The following NIFK variants were observed in gnomAD, a reference collection of about 807,000 sequenced individuals.
NIFK encodes nucleolar protein interacting with the FHA domain of MKI67, also known as MKI67 FHA domain-interacting nucleolar phosphoprotein.
In NIFK, 16 loss-of-function variants were observed where a neutral mutation model predicts 31.7. The observed-to-expected ratio is 0.50, with a 90% confidence interval of 0.34 to 0.77. The LOEUF (loss-of-function observed/expected upper bound fraction) is 0.77. Ranked by LOEUF, NIFK falls within the 30% of genes least tolerant of loss-of-function variation. NIFK has a pLI of 0.01. For synonymous variants in NIFK, 126 were observed against 123.0 expected, an observed-to-expected ratio of 1.02 and a Z score of -0.16; for missense variants, 341 against 350.4, an observed-to-expected ratio of 0.97 and a Z score of 0.21.
At chr2:121,730,742 G>A in intron 4 of NIFK, 151 bp downstream of exon 4, 1 of 626,044 alleles carries the variant, frequency 1.6e-6, no homozygotes. Flanking sequence ...TACTTGGGAG[G>A]CTAGAGGCAG....
chr2:121,728,256 TC>T, intron 6 of NIFK, 31 bp downstream of exon 6: 1 of 1,284,630 alleles, frequency 7.8e-7, no homozygotes, highest in South Asian at 1.3e-5. Flanking sequence ...TTCTATAATA[TC>T]TGGTGTCTGG....
intron 4 of NIFK, among the ~76,000 whole-genome samples, chr2:121,730,207 G>C (rs1163004585): frequency 6.6e-6 from 1 of 151,830 alleles, no homozygotes; most frequent in Non-Finnish European, 1.5e-5. Flanking sequence ...AACACAGCAA[G>C]ACTCTGTCTC....
At position 121,730,967 on chromosome 2, in the gene NIFK, G is replaced by C. The variant is rs145402818; in HGVS notation, c.490C>G (p.Arg164Gly). ...TLTQKLRMEE[R>G]FKKKERLLRK... ...AGTAATCTTTCTTTCTTTTTAAATC[G>C]CTCCTCCATCCGTAGCTTTTGTGTT... The change falls in exon 4 of 7, where the codon CGA (arginine) becomes GGA (glycine). Residue 164 changes from arginine to glycine, a missense_variant. By Grantham distance (125) the Arg-to-Gly change is moderately radical (BLOSUM62 -2). Transcript: ENST00000285814. The C allele has an allele frequency of 3.9e-5, 63 of 1,611,976 alleles. No homozygotes were observed. Among genetic ancestry groups the C allele is most frequent in the Non-Finnish European group, 5.1e-5 (60 of 1,179,162 alleles).
Position 121,727,415 on chromosome 2 carries a change from C to G in NIFK, c.*309G>C, listed in dbSNP as rs913790340. ...AAAGGCTGCAGTTTAGTACTTAAAC[C>G]TGCAGTTAGTGGTCAACTTTCTATC... is the stretch of plus-strand genomic sequence containing the variant. On this transcript the variant is annotated 3_prime_UTR_variant, in exon 7 of 7. Transcript: ENST00000285814. The G allele has an allele frequency of 3.7e-6, 2 of 535,116 alleles. No individual in the cohort carries two copies. Among genetic ancestry groups the G allele is most frequent in the African/African-American group, 1.9e-5 (1 of 52,676 alleles). 33.1% of individuals were successfully genotyped at this position (535,116 alleles called of 1,614,324 possible). A position where few individuals can be genotyped will look rare whatever the true frequency, so the allele number is the denominator to read the frequency against.
At chr2:121,732,762 T>C (rs2074551923) in intron 2 of NIFK, among the ~76,000 whole-genome samples, 1 of 151,970 alleles carries the variant, frequency 6.6e-6, no homozygotes, top group South Asian at 2.1e-4. Context: ...GGGTGGATCA[T>C]CTGAGGTGAG....
At chr2:121,727,973 A>T (rs1432498588) in intron 6 of NIFK, 61 bp from the exon 7 acceptor site, 13 of 1,405,930 alleles carry the variant, frequency 9.2e-6, no homozygotes, top group Non-Finnish European at 1.2e-5. Context: ...GACTTTACCC[A>T]AAAATATCAT....
chr2:121,733,364 A>T (rs548918835), intron 2 of NIFK, among the ~76,000 whole-genome samples: 1 of 152,030 alleles, frequency 6.6e-6, no homozygotes, highest in African/African-American at 2.4e-5. Flanking sequence ...AAAATACAAA[A>T]ATTAGCTGGG....
In NIFK at chr2:121,727,477, A is replaced by G. The variant is rs552678062; in HGVS notation, c.*247T>C. The G allele has an allele frequency of 4.7e-5, 31 of 652,736 alleles. No homozygotes were observed. The highest frequency in any genetic ancestry group is 4.7e-4 in the South Asian group (31 of 66,198). 40.4% of individuals were successfully genotyped at this position (652,736 alleles called of 1,614,324 possible). A position where few individuals can be genotyped will look rare whatever the true frequency, so the allele number is the denominator to read the frequency against. On this transcript the variant is annotated 3_prime_UTR_variant, in exon 7 of 7. Coordinates refer to ENST00000285814, the MANE Select transcript of NIFK (RefSeq NM_032390.5). ...AACTAAGGAGAGCTATGAAATATCA[A>G]AAGAAAACTAGAGGCCAGGACAAAG... is the stretch of plus-strand genomic sequence containing the variant.
chr2:121,735,423 AT>A (rs1411493774), intron 2 of NIFK, among the ~76,000 whole-genome samples, 189 bp downstream of exon 2: 45 of 152,376 alleles, frequency 3.0e-4, no homozygotes, highest in South Asian at 1.2e-3. Flanking sequence ...ATTTGGAGAA[AT>A]GTAAAAAACA....
intron 4 of NIFK, chr2:121,730,463 G>A (rs767803721): frequency 6.8e-5 from 11 of 161,654 alleles, no homozygotes; most frequent in Admixed American, 2.5e-4. Context: ...CCCCGGAGGC[G>A]GAGGTTGCGG....
rs927652079 is a variant in NIFK, at chr2:121,730,599, T to C, written c.564+294A>G. ...TGGCTCATGCCTATTATTCCAACAC[T>C]TTGGGACGCTGAGGTGGGTGAATCA... On this transcript the variant is annotated intron_variant, in intron 4 of 6. Transcript: ENST00000285814. 30 of 332,616 alleles carry C rather than the reference T, an allele frequency of 9.0e-5. No individual in the cohort carries two copies. In the East Asian group the frequency reaches 2.1e-3, roughly 23 times the overall value. The allele number at this position is 332,616 out of a possible 1,614,324, so 20.6% of individuals were successfully genotyped here. A position where few individuals can be genotyped will look rare whatever the true frequency, so the allele number is the denominator to read the frequency against.
At chr2:121,729,228 G>A (rs2106441588) in intron 4 of NIFK, among the ~76,000 whole-genome samples, 2 of 152,100 alleles carry the variant, frequency 1.3e-5, no homozygotes, top group African/African-American at 4.8e-5. Context: ...TTAGCTGGGT[G>A]TGGTGGTGTG....
chr2:121,734,071 T>G (rs976320885), intron 2 of NIFK, among the ~76,000 whole-genome samples: 2 of 151,694 alleles, frequency 1.3e-5, no homozygotes, highest in African/African-American at 2.4e-5. Context: ...GCGGATCATC[T>G]GAGGTCAGGA....
intron 6 of NIFK, 50 bp downstream of exon 6, chr2:121,728,238 C>T: frequency 8.7e-7 from 1 of 1,152,110 alleles, no homozygotes; most frequent in Non-Finnish European, 1.3e-6. Context: ...TCTCCTCCTT[C>T]AAATTATTTC....
intron 4 of NIFK, 35 bp from the exon 5 acceptor site, chr2:121,728,571 C>A (rs758020161): frequency 8.2e-7 from 1 of 1,225,204 alleles, no homozygotes; most frequent in South Asian, 1.3e-5. Context: ...ACACTCATAT[C>A]TTTTCTTTCT....
At chr2:121,734,646 A>AG (rs2074566737) in intron 2 of NIFK, among the ~76,000 whole-genome samples, 1 of 152,134 alleles carries the variant, frequency 6.6e-6, no homozygotes, top group African/African-American at 2.4e-5. Context: ...ACAAAAAATT[A>AG]GCCAGGCATG....
chr2:121,729,562 T>G (rs2074521526), intron 4 of NIFK, among the ~76,000 whole-genome samples: 1 of 152,118 alleles, frequency 6.6e-6, no homozygotes, highest in Admixed American at 6.5e-5. Context: ...CACCTCTGAA[T>G]GACAATCTTT....
intron 4 of NIFK, chr2:121,730,668 A>AC (rs1418916904): frequency 1.0e-5 from 5 of 499,696 alleles, no homozygotes; most frequent in African/African-American, 7.8e-5. Context: ...ACGTGGAGAA[A>AC]CCCCGTCTCT....
intron 2 of NIFK, among the ~76,000 whole-genome samples, chr2:121,735,038 T>A (rs544223578): frequency 6.6e-6 from 1 of 152,334 alleles, no homozygotes; most frequent in Non-Finnish European, 1.5e-5. Flanking sequence ...TGAAACAAGC[T>A]ATGTAAAGCG....
Sources: allele counts gnomAD v4.1 joint callset (sites outside exome capture counted in the v4.1 genomes callset), GRCh38; gene constraint gnomAD v4.1.1; transcripts MANE v1.5; gene names NCBI Gene and HGNC (gene_info 2026-07-23, HGNC 2026-07-21).